Variants in SMARCC1 observed in about 807,000 individuals in gnomAD.
The protein encoded by SMARCC1 is SWI/SNF related BAF chromatin remodeling complex subunit C1.
In SMARCC1, 43 loss-of-function variants were observed where a neutral mutation model predicts 147.4. The ratio of observed to expected loss-of-function variants is 0.29; its 90% CI spans 0.23 to 0.38. The LOEUF (loss-of-function observed/expected upper bound fraction) is 0.38. Ranked by LOEUF, SMARCC1 falls within the 10% of genes least tolerant of loss-of-function variation. The pLI is 1.00. For missense variants in SMARCC1, 1,119 were observed against 1,381.1 expected (o/e 0.81, Z 3.01); for synonymous variants, 495 against 484.4 (o/e 1.02, Z -0.29).
intron 2 of SMARCC1, among the ~76,000 whole-genome samples, chr3:47,746,979 C>T (rs2034571176): frequency 6.6e-6 from 1 of 151,978 alleles, no homozygotes; most frequent in Admixed American, 6.6e-5. Context: ...ATCTGCCCGC[C>T]TCAACCTCCC....
At chr3:47,685,514 A>G (rs1415177865) in intron 14 of SMARCC1, among the ~76,000 whole-genome samples, 2 of 151,942 alleles carry the variant, frequency 1.3e-5, no homozygotes, top group African/African-American at 4.8e-5. Context: ...ACAAACCTAA[A>G]TTACAACAAA....
chr3:47,599,553 G>A, intron 26 of SMARCC1, among the ~76,000 whole-genome samples: 1 of 152,186 alleles, frequency 6.6e-6, no homozygotes, highest in Non-Finnish European at 1.5e-5. Flanking sequence ...AGATTAAGTA[G>A]CTTGCCCAAT....
chr3:47,596,983 C>T (rs943781454), intron 26 of SMARCC1, among the ~76,000 whole-genome samples: 17 of 151,738 alleles, frequency 1.1e-4, no homozygotes, highest in Admixed American at 4.6e-4. Flanking sequence ...ATGACGAGGT[C>T]AGGCATTTGA....
chr3:47,657,353 A>C (rs1460727382), intron 21 of SMARCC1, among the ~76,000 whole-genome samples: 1 of 152,218 alleles, frequency 6.6e-6, no homozygotes, highest in Admixed American at 6.5e-5. Flanking sequence ...AAAATACGGA[A>C]ATCACACAAA....
chr3:47,684,239 CAAA>C (rs759227252), intron 14 of SMARCC1, among the ~76,000 whole-genome samples: 2 of 49,544 alleles, frequency 4.0e-5, no homozygotes, highest in African/African-American at 7.2e-5. Context: ...GACTCCGTCT[CAAA>C]AAAAAAAAAA....
At chr3:47,650,301 T>TAATAATAATAATAATA (rs56812175) in intron 21 of SMARCC1, among the ~76,000 whole-genome samples, 1 of 129,484 alleles carries the variant, frequency 7.7e-6, no homozygotes, top group African/African-American at 2.8e-5. Flanking sequence ...TAATAATAAT[T>TAATAATAATAATAATA]ATTATTATTA....
intron 21 of SMARCC1, among the ~76,000 whole-genome samples, chr3:47,650,665 A>T (rs2033179082): frequency 6.6e-6 from 1 of 151,856 alleles, no homozygotes; most frequent in African/African-American, 2.4e-5. Flanking sequence ...TAACTAAAAG[A>T]ATTAGCCAGG....
chr3:47,682,711 T>C (rs1453942373), intron 14 of SMARCC1, among the ~76,000 whole-genome samples: 1 of 152,236 alleles, frequency 6.6e-6, no homozygotes, highest in Non-Finnish European at 1.5e-5. Context: ...ATAGAATATG[T>C]TTTTTAAAAG....
rs943647459 is a variant in SMARCC1, at chr3:47,616,450, A to AT, written c.2781+5756dup. On this transcript the variant is annotated intron_variant, in intron 25 of 27. Coordinates refer to ENST00000254480, the MANE Select transcript of SMARCC1 (RefSeq NM_003074.4). ...GTTCATGATACCCATAACAAATTCG[A>AT]TTTTTTTTTTTTGAGACAGAGTTTC... is the stretch of plus-strand genomic sequence containing the variant. Among the ~76,000 whole-genome samples, 94 of 146,378 alleles carry AT rather than the reference A, an allele frequency of 6.4e-4. 1 individual carries two copies. Among genetic ancestry groups the AT allele is most frequent in the Middle Eastern group, 3.6e-3 (1 of 280 alleles).
chr3:47,752,999 T>C (rs2034644955), intron 2 of SMARCC1, among the ~76,000 whole-genome samples: 1 of 152,136 alleles, frequency 6.6e-6, no homozygotes, highest in Admixed American at 6.6e-5. Flanking sequence ...ATAAGTGGTT[T>C]CACCCTACTT....
chr3:47,727,372 T>C (rs1576423692), intron 6 of SMARCC1, among the ~76,000 whole-genome samples: 2 of 151,528 alleles, frequency 1.3e-5, no homozygotes, highest in South Asian at 2.1e-4. Context: ...CTGGGCATGA[T>C]GGTGGGCACC....
At chr3:47,714,067 T>C (rs758891780) in intron 8 of SMARCC1, among the ~76,000 whole-genome samples, 1 of 152,188 alleles carries the variant, frequency 6.6e-6, no homozygotes, top group Non-Finnish European at 1.5e-5. Flanking sequence ...ATTAGATTAT[T>C]GTAAGAATTT....
chr3:47,778,530 C>T (rs1161587984), intron 1 of SMARCC1, among the ~76,000 whole-genome samples: 2 of 152,104 alleles, frequency 1.3e-5, no homozygotes, highest in Non-Finnish European at 2.9e-5. Flanking sequence ...GTTGCCCAAG[C>T]TGGTCTCCAA....
At chr3:47,632,870 CAG>C (rs1181041439) in intron 24 of SMARCC1, among the ~76,000 whole-genome samples, 1 of 151,674 alleles carries the variant, frequency 6.6e-6, no homozygotes, top group African/African-American at 2.4e-5. Flanking sequence ...AAATTGCAGC[CAG>C]AGAGAGATAG....
chr3:47,593,651 T>C (rs532929712), intron 26 of SMARCC1, among the ~76,000 whole-genome samples: 2 of 152,120 alleles, frequency 1.3e-5, no homozygotes, highest in Non-Finnish European at 2.9e-5. Flanking sequence ...CTTGAAAAAT[T>C]TGGAGATTGG....
At chr3:47,640,381 A>C (rs78641322) in intron 21 of SMARCC1, among the ~76,000 whole-genome samples, 1 of 152,104 alleles carries the variant, frequency 6.6e-6, no homozygotes, top group Non-Finnish European at 1.5e-5. Flanking sequence ...GATGACATAA[A>C]CAAACTATAT....
chr3:47,781,765 C>T lies in SMARCC1; in HGVS notation c.33G>A (p.Gly11=), dbSNP rs751336948. The part of the protein sequence containing the change: MAAAAGGGGP[G]TAVGATGSGI... The stretch of plus-strand genomic sequence containing the variant: ...CCGAGCCCGTGGCGCCTACCGCTGT[C>T]CCCGGCCCGCCGCCGCCCGCCGCTG... Residue 11 remains glycine (G), a synonymous_variant, in exon 1 of 28, where the codon GGG becomes GGA. Coordinates refer to ENST00000254480, the MANE Select transcript of SMARCC1 (RefSeq NM_003074.4). The T allele has an allele frequency of 1.1e-5, 16 of 1,478,168 alleles. No homozygotes were observed. The highest frequency in any genetic ancestry group is 1.3e-5 in the Non-Finnish European group (15 of 1,118,166). The allele number at this position is 1,478,168 out of a possible 1,614,324, so 91.6% of individuals were successfully genotyped here.
intron 24 of SMARCC1, among the ~76,000 whole-genome samples, chr3:47,623,687 CA>C (rs1320012289): frequency 6.6e-6 from 1 of 151,782 alleles, no homozygotes; most frequent in African/African-American, 2.4e-5. Context: ...TATTTTTGAA[CA>C]AAAAAATTTA....
At chr3:47,673,191 C>G (rs894297095) in intron 18 of SMARCC1, among the ~76,000 whole-genome samples, 18 of 151,646 alleles carry the variant, frequency 1.2e-4, no homozygotes, top group African/African-American at 4.1e-4. Flanking sequence ...CAAGACAAAC[C>G]AGGACAACAC....
Sources: allele counts gnomAD v4.1 joint callset (sites outside exome capture counted in the v4.1 genomes callset), GRCh38; gene constraint gnomAD v4.1.1; transcripts MANE v1.5; gene names NCBI Gene and HGNC (gene_info 2026-07-23, HGNC 2026-07-21).